PPP1R21: variants seen among roughly 807,000 people sequenced by gnomAD.
PPP1R21 encodes the protein KLRAQ motif containing 1.
In PPP1R21, 85 loss-of-function variants were observed where a neutral mutation model predicts 112.8. The observed-to-expected ratio is 0.75, with a 90% CI of 0.63 to 0.90. The LOEUF is 0.90. Among genes scored for constraint, PPP1R21 ranks in the 40% least tolerant of loss-of-function variants. The pLI, the probability that PPP1R21 is intolerant of heterozygous loss-of-function variation, is 0.00. For missense variants in PPP1R21, 1,199 were observed against 901.5 expected, an observed-to-expected ratio of 1.33 and a Z score of -4.23; for synonymous variants, 381 against 322.3, an observed-to-expected ratio of 1.18 and a Z score of -1.95.
At chr2:48,458,456 CT>C (rs1667820601) in intron 4 of PPP1R21, among the ~76,000 whole-genome samples, 1 of 152,058 alleles carries the variant, frequency 6.6e-6, no homozygotes, top group Non-Finnish European at 1.5e-5. Context: ...AGCAGAATAG[CT>C]TTATAACTTA....
chr2:48,468,861 G>GTATA (rs1668326465), intron 9 of PPP1R21, among the ~76,000 whole-genome samples: 1 of 150,146 alleles, frequency 6.7e-6, no homozygotes, highest in Non-Finnish European at 1.5e-5. Context: ...GTGTGTGTAT[G>GTATA]TATATATGTA....
At chr2:48,454,378 A>G (rs1558426541) in intron 2 of PPP1R21, among the ~76,000 whole-genome samples, 2 of 152,238 alleles carry the variant, frequency 1.3e-5, no homozygotes, top group African/African-American at 4.8e-5. Context: ...TTACTTTAGT[A>G]TAGTTGCTCT....
intron 13 of PPP1R21, among the ~76,000 whole-genome samples, chr2:48,486,413 T>C (rs911242495): frequency 3.3e-5 from 5 of 152,228 alleles, no homozygotes; most frequent in African/African-American, 1.2e-4. Flanking sequence ...GTAGTAAAGA[T>C]AGCCAAGATG....
chr2:48,471,583 G>T (rs770772939), intron 11 of PPP1R21: 2 of 503,006 alleles, frequency 4.0e-6, no homozygotes, highest in East Asian at 6.4e-5. Flanking sequence ...CAGATTTTCA[G>T]TTGTTCTGTA....
chr2:48,482,104 G>C (rs1669041497), intron 13 of PPP1R21, among the ~76,000 whole-genome samples: 1 of 152,118 alleles, frequency 6.6e-6, no homozygotes, highest in African/African-American at 2.4e-5. Flanking sequence ...TTTGGATAAG[G>C]GATTCTTAAT....
chr2:48,455,861 A>G (rs1451149812), intron 3 of PPP1R21, among the ~76,000 whole-genome samples: 2 of 151,964 alleles, frequency 1.3e-5, no homozygotes, highest in Admixed American at 1.3e-4. Flanking sequence ...AAAAATAGAA[A>G]AAATTAGCTG....
intron 1 of PPP1R21, among the ~76,000 whole-genome samples, chr2:48,450,105 T>TG (rs1667409510): frequency 6.6e-6 from 1 of 152,148 alleles, no homozygotes; most frequent in Non-Finnish European, 1.5e-5. Context: ...TAATTATCTG[T>TG]GAAAAAAAGC....
At chr2:48,478,450 G>A (rs929853976) in intron 12 of PPP1R21, among the ~76,000 whole-genome samples, 1 of 152,194 alleles carries the variant, frequency 6.6e-6, no homozygotes, top group African/African-American at 2.4e-5. Flanking sequence ...CATGCATACA[G>A]TCACCCTGAG....
chr2:48,469,382 TATATATATAGAGCATATATATATAG>T (rs1370238176), intron 9 of PPP1R21, among the ~76,000 whole-genome samples: 3 of 16,178 alleles, frequency 1.9e-4, no homozygotes, highest in South Asian at 1.6e-3. Context: ...ATATATAGCA[TATATATATAGAGCATATATATATAG>T]AGAGAGAGCA....
chr2:48,476,388 A>G (rs931447479), intron 12 of PPP1R21, among the ~76,000 whole-genome samples: 1 of 152,150 alleles, frequency 6.6e-6, no homozygotes, highest in African/African-American at 2.4e-5. Flanking sequence ...CCTTTTGGCT[A>G]TTACAAATAA....
chr2:48,443,870 A>G (rs1201949674), intron 1 of PPP1R21, among the ~76,000 whole-genome samples: 1 of 152,238 alleles, frequency 6.6e-6, no homozygotes, highest in South Asian at 2.1e-4. Context: ...TTTAGGATAC[A>G]AAGGAAAAAG....
At chr2:48,477,116 A>AT (rs779139882) in intron 12 of PPP1R21, among the ~76,000 whole-genome samples, 4,054 of 114,708 alleles carry the variant, frequency 0.035, 124 homozygotes, top group African/African-American at 0.044. Flanking sequence ...TTTTGAATTA[A>AT]TTTTTTTTTT....
intron 3 of PPP1R21, 87 bp downstream of exon 3, chr2:48,454,828 C>A: frequency 2.0e-6 from 2 of 996,290 alleles, no homozygotes; most frequent in Non-Finnish European, 3.1e-6. Context: ...GAAGACCCCA[C>A]TGCCGAATTA....
In PPP1R21 at chr2:48,471,100, T is replaced by C. The variant is rs1668477616; in HGVS notation, c.911T>C (p.Leu304Pro). The C allele has an allele frequency of 6.2e-7, 1 of 1,609,458 alleles. No homozygotes were observed. The highest frequency in any genetic ancestry group is 1.1e-5 in the South Asian group (1 of 90,996). ...CCTCCTGTTTAGTTCTCACAATACC[T>C]TCATGAAAATGCGTCCTATGTCCGC... ...SPLNQKFSQY[L>P]HENASYVRPL... The change falls in exon 10 of 22, where the codon CTT becomes CCT. Residue 304 changes from leucine (L) to proline (P), a missense_variant. Leu to Pro is a moderately conservative substitution (Grantham distance 98). Transcript: ENST00000294952.
intron 12 of PPP1R21, among the ~76,000 whole-genome samples, chr2:48,477,634 A>G (rs1444505058): frequency 1.3e-5 from 2 of 151,566 alleles, no homozygotes; most frequent in African/African-American, 4.8e-5. Flanking sequence ...GCTTTATAGC[A>G]AATTTCGAGA....
chr2:48,458,303 A>G (rs1667813730), intron 4 of PPP1R21, 76 bp downstream of exon 4: 1 of 923,684 alleles, frequency 1.1e-6, no homozygotes, highest in South Asian at 1.3e-5. Context: ...TAATGCACAT[A>G]GAGTGTTTTG....
chr2:48,446,340 A>G (rs1667246733), intron 1 of PPP1R21, among the ~76,000 whole-genome samples: 2 of 152,178 alleles, frequency 1.3e-5, no homozygotes, highest in Admixed American at 1.3e-4. Flanking sequence ...GTCCTAGAAG[A>G]AACAGCTGTG....
chr2:48,494,842 T>A (rs761053770), intron 15 of PPP1R21, among the ~76,000 whole-genome samples: 1 of 152,084 alleles, frequency 6.6e-6, no homozygotes, highest in Non-Finnish European at 1.5e-5. Context: ...CTCAGCCTCC[T>A]GAGTAGCTTG....
intron 2 of PPP1R21, among the ~76,000 whole-genome samples, chr2:48,453,009 AG>A (rs1667549282): frequency 6.8e-6 from 1 of 148,062 alleles, no homozygotes; most frequent in Non-Finnish European, 1.5e-5. Flanking sequence ...GCTGGAGTGC[AG>A]TGGCACAATC....
Sources: gnomAD v4.1 joint callset for allele counts (sites outside exome capture counted in the v4.1 genomes callset) on GRCh38, gnomAD v4.1.1 for gene constraint, MANE v1.5 for transcripts, NCBI Gene and HGNC (gene_info 2026-07-23, HGNC 2026-07-21) for gene names.